The following LIX1L variants were observed in gnomAD, a reference collection of about 807,000 sequenced individuals.
LIX1L encodes the protein LIX1-like protein.
A neutral mutation model predicts 34.0 loss-of-function variants in LIX1L; 20 were observed. The observed-to-expected ratio is 0.59, with a 90% CI of 0.41 to 0.85. LIX1L has a LOEUF of 0.85. Among genes scored for constraint, LIX1L ranks in the 40% least tolerant of loss-of-function variants. LIX1L has a pLI of 0.00. For missense variants in LIX1L, 397 were observed against 447.0 expected (o/e 0.89, Z 1.01); for synonymous variants, 170 against 187.4 (o/e 0.91, Z 0.76).
Position 145,936,429 on chromosome 1 carries a change from C to T in LIX1L, c.895G>A (p.Glu299Lys). ...AGTCGGGCTTCATCCAGCTCCCGCTCAGTAGAGGCCAGCTCTCTAGACAGT... is the reference window on the plus strand; with the variant it reads ...AGTCGGGCTTCATCCAGCTCCCGCTTAGTAGAGGCCAGCTCTCTAGACAGT... ...GALSRELAST[E>K]RELDEARLAG... is the part of the protein sequence containing the mutation. The change falls in exon 6 of 6, where the codon GAG (glutamate) becomes AAG (lysine). Residue 299 changes from glutamate to lysine, a missense_variant. Glu to Lys is a moderately conservative substitution (Grantham distance 56, BLOSUM62 1). Transcript: ENST00000604000. 6.2e-7 allele frequency: 1 copy of T among 1,614,198 alleles called. No individual in the cohort carries two copies. The highest frequency in any genetic ancestry group is 8.5e-7 in the Non-Finnish European group (1 of 1,180,044).
At position 145,937,707 on chromosome 1, in the gene LIX1L, T is replaced by C. The variant is rs1553758034; in HGVS notation, c.598-8A>G. On this transcript the variant is annotated splice_region_variant and splice_polypyrimidine_tract_variant and intron_variant, in intron 3 of 5. Coordinates refer to ENST00000604000, the MANE Select transcript of LIX1L (RefSeq NM_153713.3). Reference sequence around the variant, plus strand: ...AGCTTCCTCCCTGTTGCCCTGGTAGTAGAGGAACAGAAAAGACAAATAGAT... The same window carrying C: ...AGCTTCCTCCCTGTTGCCCTGGTAGCAGAGGAACAGAAAAGACAAATAGAT... 1 of 1,544,750 alleles carries C rather than the reference T, an allele frequency of 6.5e-7. No homozygotes were observed. Among genetic ancestry groups the C allele is most frequent in the Admixed American group, 1.7e-5 (1 of 59,932 alleles).
chr1:145,939,628 TTTTC>T (rs1365436875), intron 3 of LIX1L, among the ~76,000 whole-genome samples: 1 of 150,950 alleles, frequency 6.6e-6, no homozygotes, highest in Non-Finnish European at 1.5e-5. Context: ...TTGCTTTCTT[TTTTC>T]TTTTTCTTTT....
intron 1 of LIX1L, among the ~76,000 whole-genome samples, chr1:145,953,116 A>G (rs973885507): frequency 2.0e-5 from 3 of 151,592 alleles, no homozygotes; most frequent in African/African-American, 4.9e-5. Context: ...GGGTCTCACT[A>G]TGTTGCCCAG....
At chr1:145,951,193 C>A (rs587707640) in intron 1 of LIX1L, among the ~76,000 whole-genome samples, 1 of 152,296 alleles carries the variant, frequency 6.6e-6, no homozygotes, top group Non-Finnish European at 1.5e-5. Context: ...ATTATAGGCA[C>A]ATGCCGCCAC....
Position 145,936,491 on chromosome 1 carries a change from A to G in LIX1L, c.833T>C (p.Leu278Ser). The change falls in exon 6 of 6, where the codon TTG (leucine) becomes TCG (serine). Residue 278 changes from leucine to serine, a missense_variant. Physicochemically the swap from Leu to Ser is moderately radical, Grantham distance 145. Transcript: ENST00000604000. ...ACTCTGCTCCCGGCTCACCCAGTCCAAGGCCATTTGGTGGCGAATATCATC... is the reference window on the plus strand; with the variant it reads ...ACTCTGCTCCCGGCTCACCCAGTCCGAGGCCATTTGGTGGCGAATATCATC... ...LDDDIRHQMA[L>S]DWVSREQSVP... 6.2e-7 allele frequency: 1 copy of G among 1,614,168 alleles called. No individual in the cohort carries two copies. Among genetic ancestry groups the G allele is most frequent in the African/African-American group, 1.3e-5 (1 of 75,054 alleles).
At chr1:145,944,199 A>T (rs1649022866) in intron 2 of LIX1L, among the ~76,000 whole-genome samples, 1 of 152,184 alleles carries the variant, frequency 6.6e-6, no homozygotes, top group Non-Finnish European at 1.5e-5. Flanking sequence ...TCTACAAAAA[A>T]TTTAAAAATT....
chr1:145,953,988 A>G (rs1353162061), intron 1 of LIX1L, among the ~76,000 whole-genome samples: 4 of 152,022 alleles, frequency 2.6e-5, no homozygotes, highest in African/African-American at 9.7e-5. Flanking sequence ...GGAGCCCAGC[A>G]GTTCCAGGCT....
intron 1 of LIX1L, among the ~76,000 whole-genome samples, chr1:145,953,683 G>A (rs1396834115): frequency 1.3e-5 from 2 of 152,166 alleles, no homozygotes; most frequent in Non-Finnish European, 2.9e-5. Flanking sequence ...CTTTGCAGAT[G>A]AGTTTAAATG....
chr1:145,936,620 A>G, intron 5 of LIX1L, 68 bp from the exon 6 acceptor site: 1 of 1,574,110 alleles, frequency 6.4e-7, no homozygotes, highest in Non-Finnish European at 8.7e-7. Context: ...CACTGACCCA[A>G]CTGGGACTAA....
In LIX1L at chr1:145,936,185, T is replaced by G. The variant is rs1007661061; in HGVS notation, c.*125A>C. 29 of 1,106,910 alleles carry G rather than the reference T, an allele frequency of 2.6e-5. No individual in the cohort carries two copies. Among genetic ancestry groups the G allele is most frequent in the Non-Finnish European group, 3.6e-5 (29 of 799,946 alleles). 68.6% of individuals were successfully genotyped at this position (1,106,910 alleles called of 1,614,324 possible). ...GCAAATAGGAATCTAGGTGTAGAATTTATACACATATATATTTTTTAAAGT... is the reference window on the plus strand; with the variant it reads ...GCAAATAGGAATCTAGGTGTAGAATGTATACACATATATATTTTTTAAAGT... On this transcript the variant is annotated 3_prime_UTR_variant, in exon 6 of 6. Coordinates refer to ENST00000604000, the MANE Select transcript of LIX1L (RefSeq NM_153713.3).
At chr1:145,942,931 T>G (rs1648975366) in intron 2 of LIX1L, 78 bp from the exon 3 acceptor site, 8 of 1,402,736 alleles carry the variant, frequency 5.7e-6, no homozygotes, top group Admixed American at 3.6e-5. Flanking sequence ...AGGGAAACAC[T>G]TCAGATAGAA....
Position 145,957,674 on chromosome 1 carries a change from A to ACCACGGCCT in LIX1L, c.245_253dup (p.Glu82_Val84dup). 6.5e-7 allele frequency: 1 copy of ACCACGGCCT among 1,540,632 alleles called. No homozygotes were observed. Among genetic ancestry groups the ACCACGGCCT allele is most frequent in the Non-Finnish European group, 8.7e-7 (1 of 1,149,376 alleles). On this transcript the variant is annotated inframe_insertion, in exon 1 of 6. Coordinates refer to ENST00000604000, the MANE Select transcript of LIX1L (RefSeq NM_153713.3). ...CTGCGTGTGCTTGGCGAAGCTCCTCACCACGGCCTCCACGGCCTCTCGCAG... is the reference window on the plus strand; with the variant it reads ...CTGCGTGTGCTTGGCGAAGCTCCTCACCACGGCCTCCACGGCCTCCACGGCCTCTCGCAG...
At chr1:145,951,250 T>C (rs892500050) in intron 1 of LIX1L, among the ~76,000 whole-genome samples, 2 of 152,182 alleles carry the variant, frequency 1.3e-5, no homozygotes, top group Admixed American at 6.5e-5. Flanking sequence ...TTTCACCATA[T>C]TGGTCAGGCT....
chr1:145,939,038 A>T (rs1354111768), intron 3 of LIX1L, among the ~76,000 whole-genome samples: 2 of 150,008 alleles, frequency 1.3e-5, no homozygotes, highest in Admixed American at 1.3e-4. Context: ...TGGCTAGAGT[A>T]CAGTGGATGG....
chr1:145,951,247 A>G (rs1649289213), intron 1 of LIX1L, among the ~76,000 whole-genome samples: 1 of 152,152 alleles, frequency 6.6e-6, no homozygotes, highest in Admixed American at 6.5e-5. Context: ...CGGTTTCACC[A>G]TATTGGTCAG....
At chr1:145,947,851 C>G in intron 1 of LIX1L, 69 bp from the exon 2 acceptor site, 1 of 1,402,056 alleles carries the variant, frequency 7.1e-7, no homozygotes, top group Middle Eastern at 1.8e-4. Flanking sequence ...TACTTCAATA[C>G]AGTACCTGTA....
intron 2 of LIX1L, among the ~76,000 whole-genome samples, chr1:145,946,135 A>C (rs1305132369): frequency 1.3e-5 from 2 of 151,694 alleles, no homozygotes; most frequent in East Asian, 1.9e-4. Context: ...ACAAAAAAAA[A>C]CAAGTGAAAG....
rs1173932774 is a variant in LIX1L at position 145,933,913 on chromosome 1, G to A, written c.*2397C>T. 6.6e-6 allele frequency: 1 copy of A among 152,206 alleles called. No homozygotes were observed. Among genetic ancestry groups the A allele is most frequent in the African/African-American group, 2.4e-5 (1 of 41,428 alleles). 9.4% of individuals were successfully genotyped at this position (152,206 alleles called of 1,614,324 possible). A position where few individuals can be genotyped will look rare whatever the true frequency, so the allele number is the denominator to read the frequency against. On this transcript the variant is annotated 3_prime_UTR_variant, in exon 6 of 6. Transcript: ENST00000604000. ...TTACCCAACATGATTTCAAAAGCAA[G>A]AAAGTTGCCTTTCATCTTGCCCCTA...
At position 145,957,786 on chromosome 1, in the gene LIX1L, G is replaced by T. The variant is rs1245897499; in HGVS notation, c.142C>A (p.Pro48Thr). Residue 48 changes from proline (P) to threonine (T), a missense_variant, in exon 1 of 6, where the codon CCT (proline) becomes ACT (threonine). By Grantham distance (38) the Pro-to-Thr change is conservative (BLOSUM62 -1). Transcript: ENST00000604000. ...PPAGPPPAPP[P>T]PAPPPPPLLL... ...AGCGGCGGCGGGGGCGGTGCGGGAG[G>T]CGGCGGGGCAGGCGGGGGGCCCGCA... The T allele has an allele frequency of 2.2e-6, 3 of 1,345,246 alleles. No individual in the cohort carries two copies. Among genetic ancestry groups the T allele is most frequent in the Admixed American group, 4.0e-5 (1 of 25,048 alleles). 83.3% of individuals were successfully genotyped at this position (1,345,246 alleles called of 1,614,324 possible). A position where few individuals can be genotyped will look rare whatever the true frequency, so the allele number is the denominator to read the frequency against.
Sources: allele counts gnomAD v4.1 joint callset (sites outside exome capture counted in the v4.1 genomes callset), GRCh38; gene constraint gnomAD v4.1.1; transcripts MANE v1.5; gene names NCBI Gene and HGNC (gene_info 2026-07-23, HGNC 2026-07-21).